Variants in E2F1 observed in about 807,000 individuals in gnomAD.
E2F1 encodes the protein transcription factor E2F1.
A neutral mutation model predicts 36.9 loss-of-function variants in E2F1; 7 were observed. The ratio of observed to expected loss-of-function variants is 0.19; its 90% confidence interval spans 0.11 to 0.36. The LOEUF is 0.36. Among genes scored for constraint, E2F1 ranks in the 10% least tolerant of loss-of-function variants. The pLI is 1.00. For missense variants in E2F1, 406 were observed against 573.6 expected (o/e 0.71, Z 2.99); for synonymous variants, 261 against 263.1 (o/e 0.99, Z 0.08).
intron 1 of E2F1, among the ~76,000 whole-genome samples, chr20:33,682,747 C>G (rs2018029199): frequency 6.6e-6 from 1 of 152,208 alleles, no homozygotes; most frequent in Non-Finnish European, 1.5e-5. Context: ...ACTCGAACAC[C>G]CATCCATGAA....
At chr20:33,680,589 C>A (rs1448507074) in intron 1 of E2F1, among the ~76,000 whole-genome samples, 173 bp from the exon 2 acceptor site, 1 of 152,290 alleles carries the variant, frequency 6.6e-6, no homozygotes, top group Non-Finnish European at 1.5e-5. Flanking sequence ...TCCTACCACA[C>A]AGGACATTCC....
chr20:33,679,866 T>C lies in E2F1; in HGVS notation c.461A>G (p.Asn154Ser). 1.9e-6 allele frequency: 3 copies of C among 1,614,208 alleles called. No homozygotes were observed. The highest frequency in any genetic ancestry group is 2.5e-6 in the Non-Finnish European group (3 of 1,180,032). ...CACCTTCAGCACCTCGGCAGCCCAG[T>C]TCAGGTCGACGACACCGTCAGCCGA... ...SHSADGVVDLNWAAEVLKVQK... is the reference protein window; with the variant it reads ...SHSADGVVDLSWAAEVLKVQK... Residue 154 changes from asparagine (N) to serine (S), a missense_variant, in exon 3 of 7, where the codon AAC becomes AGC. Physicochemically the swap from Asn to Ser is conservative, Grantham distance 46. This residue lies in a region of E2F1 where 77 missense variants were observed against 131.7 expected (regional missense o/e 0.58). Coordinates refer to ENST00000343380, the MANE Select transcript of E2F1 (RefSeq NM_005225.3). The surrounding 1 kb of genome is among the most constrained non-coding windows in gnomAD (Gnocchi z 4.6).
At chr20:33,677,051 C>G in intron 6 of E2F1, 54 bp downstream of exon 6, 1 of 1,569,172 alleles carries the variant, frequency 6.4e-7, no homozygotes, top group Non-Finnish European at 8.7e-7. Flanking sequence ...TCGTGCCTGC[C>G]CACCCCCCAG....
chr20:33,681,648 A>T (rs1379483890), intron 1 of E2F1, among the ~76,000 whole-genome samples: 1 of 152,090 alleles, frequency 6.6e-6, no homozygotes, highest in African/African-American at 2.4e-5. Flanking sequence ...CAGGCTGCTC[A>T]AAAGTACCCG....
In E2F1 at chr20:33,677,375, A is replaced by ACCAGCCCAGC. The variant is rs551050661; in HGVS notation, c.840+41_841-46dup. 2.0e-5 allele frequency: 33 copies of ACCAGCCCAGC among 1,610,266 alleles called. No individual in the cohort carries two copies. The Middle Eastern group carries it at 6.6e-4, about 32-fold the overall frequency. On this transcript the variant is annotated intron_variant, in intron 5 of 6. Coordinates refer to ENST00000343380, the MANE Select transcript of E2F1 (RefSeq NM_005225.3). The stretch of plus-strand genomic sequence containing the variant: ...AGGGTAAACTGAGGCCCAGGTGACC[A>ACCAGCCCAGC]CCAGCCCAGCCCAGCCCAGCCCAGT...
rs1199894772 is a variant in E2F1 at position 33,677,476 on chromosome 20, C to G, written c.790G>C (p.Val264Leu). ...TGGGTCTCAGGAGGGGCTTTGATCA[C>G]CATAACCATCTGCTCTGCAGGGTCT... The part of the protein sequence containing the change: ...IADPAEQMVM[V>L]IKAPPETQLQ... Residue 264 changes from valine (V) to leucine (L), a missense_variant, in exon 5 of 7, where the codon GTG becomes CTG. Coordinates refer to ENST00000343380, the MANE Select transcript of E2F1 (RefSeq NM_005225.3). 3 of 1,614,022 alleles carry G rather than the reference C, an allele frequency of 1.9e-6. No individual in the cohort carries two copies. The African/African-American group carries it at 4.0e-5, about 22-fold the overall frequency.
chr20:33,685,486 T>C (rs2018059078), intron 1 of E2F1, among the ~76,000 whole-genome samples: 1 of 152,078 alleles, frequency 6.6e-6, no homozygotes, highest in African/African-American at 2.4e-5. Context: ...TCACTTCCCC[T>C]AGCAGCTGTG....
intron 1 of E2F1, among the ~76,000 whole-genome samples, chr20:33,684,891 A>G (rs546676403): frequency 3.9e-4 from 59 of 152,130 alleles, no homozygotes; most frequent in African/African-American, 1.4e-3. Flanking sequence ...TTCCCTGCTG[A>G]GACCCCATCC....
chr20:33,678,738 G>C (rs1427569565), intron 3 of E2F1, among the ~76,000 whole-genome samples: 1 of 151,790 alleles, frequency 6.6e-6, no homozygotes, highest in African/African-American at 2.4e-5. Flanking sequence ...AGGATTGCTT[G>C]AGCCTCAGGA....
intron 1 of E2F1, among the ~76,000 whole-genome samples, chr20:33,680,913 TTC>T (rs1215769233): frequency 6.6e-6 from 1 of 152,212 alleles, no homozygotes; most frequent in African/African-American, 2.4e-5. Context: ...TAGTCACAAC[TTC>T]TGTTAGCAGC....
Position 33,680,109 on chromosome 20 carries a change from G to A in E2F1, c.353-135C>T, listed in dbSNP as rs758027419. On this transcript the variant is annotated intron_variant, in intron 2 of 6. Coordinates refer to ENST00000343380, the MANE Select transcript of E2F1 (RefSeq NM_005225.3). ...CAGCCAGCTCCTTCCCCTTGGCGAG[G>A]CCAACCACAGCATTCTTCTTCTGGC... 36 of 918,958 alleles carry A rather than the reference G, an allele frequency of 3.9e-5. No individual in the cohort carries two copies. The South Asian group carries it at 5.3e-4, about 14-fold the overall frequency. 56.9% of individuals were successfully genotyped at this position (918,958 alleles called of 1,614,324 possible).
chr20:33,681,845 C>A (rs2018020836), intron 1 of E2F1, among the ~76,000 whole-genome samples: 1 of 152,112 alleles, frequency 6.6e-6, no homozygotes, highest in African/African-American at 2.4e-5. Context: ...GCCAGTCCTC[C>A]TACAAACCTT....
rs756991861 is a variant in E2F1 at position 33,676,939 on chromosome 20, C to G, written c.1107G>C (p.Val369=). 6.4e-7 allele frequency: 1 copy of G among 1,563,836 alleles called. No individual in the cohort carries two copies. The highest frequency in any genetic ancestry group is 8.7e-7 in the Non-Finnish European group (1 of 1,152,296). Residue 369 remains valine, a synonymous_variant, in exon 7 of 7, where the codon GTG becomes GTC. Coordinates refer to ENST00000343380, the MANE Select transcript of E2F1 (RefSeq NM_005225.3). ...LSRMGSLRAP[V]DEDRLSPLVA... ...CCAGCGGGGACAGGCGGTCCTCGTC[C>G]ACGGGAGCCCGCAGGCTGCCCATCC...
At chr20:33,685,431 T>C (rs1001773214) in intron 1 of E2F1, among the ~76,000 whole-genome samples, 3 of 151,972 alleles carry the variant, frequency 2.0e-5, no homozygotes, top group Non-Finnish European at 4.4e-5. Flanking sequence ...GTCTCCTCAA[T>C]GGCTCACCAA....
chr20:33,676,868 C>T lies in E2F1; in HGVS notation c.1178G>A (p.Gly393Asp). 1.3e-6 allele frequency: 2 copies of T among 1,582,344 alleles called. No individual in the cohort carries two copies. Among genetic ancestry groups the T allele is most frequent in the Admixed American group, 1.8e-5 (1 of 56,316 alleles). ...GCTGATGAACTCCTCAGGGAGGAGGCCGGAGAAGTCCTCCCGCACATGCTC... is the reference window on the plus strand; with the variant it reads ...GCTGATGAACTCCTCAGGGAGGAGGTCGGAGAAGTCCTCCCGCACATGCTC... ...LLEHVREDFS[G>D]LLPEEFISLS... The change falls in exon 7 of 7, where the codon GGC becomes GAC. Residue 393 changes from glycine to aspartate, a missense_variant. This residue lies in a region of E2F1 where 163 missense variants were observed against 181.5 expected (regional missense o/e 0.90). Coordinates refer to ENST00000343380, the MANE Select transcript of E2F1 (RefSeq NM_005225.3).
rs1397093511 is a variant in E2F1 at position 33,686,239 on chromosome 20, C to T, written c.26G>A (p.Gly9Asp). 5.9e-6 allele frequency: 6 copies of T among 1,021,324 alleles called. No individual in the cohort carries two copies. The highest frequency in any genetic ancestry group is 5.9e-5 in the Admixed American group (1 of 17,084). 63.3% of individuals were successfully genotyped at this position (1,021,324 alleles called of 1,614,324 possible). Reference protein sequence around the residue: MALAGAPAGGPCAPALEAL... With the variant: MALAGAPADGPCAPALEAL... ...CTCCAGCGCCGGCGCGCATGGGCCGCCCGCAGGGGCCCCGGCCAAGGCCAT... is the reference window on the plus strand; with the variant it reads ...CTCCAGCGCCGGCGCGCATGGGCCGTCCGCAGGGGCCCCGGCCAAGGCCAT... Residue 9 changes from glycine (G) to aspartate (D), a missense_variant, in exon 1 of 7, where the codon GGC (glycine) becomes GAC (aspartate). Physicochemically the swap from Gly to Asp is moderately conservative, Grantham distance 94 (BLOSUM62 -1). This residue lies in a region of E2F1 where 68 missense variants were observed against 74.3 expected (regional missense o/e 0.92). Coordinates refer to ENST00000343380, the MANE Select transcript of E2F1 (RefSeq NM_005225.3).
intron 2 of E2F1, 139 bp downstream of exon 2, chr20:33,680,187 C>G (rs1042313075): frequency 2.7e-5 from 27 of 1,003,854 alleles, no homozygotes; most frequent in Non-Finnish European, 4.0e-5. Context: ...GGTGGCCACT[C>G]CAACTGCCCA....
chr20:33,678,263 G>A lies in E2F1; in HGVS notation c.663C>T (p.Asp221=). Reference sequence around the variant, plus strand: ...GCGTAGTACAGATATTCATCAGGTGGTCCAGCTGCTGCTCGCTCTCCTGCA... The same window carrying A: ...GCGTAGTACAGATATTCATCAGGTGATCCAGCTGCTGCTCGCTCTCCTGCA... ...RQLQESEQQL[D]HLMNICTTQL... is the part of the protein sequence containing the mutation. Residue 221 remains aspartate, a synonymous_variant, in exon 4 of 7, where the codon GAC becomes GAT. Transcript: ENST00000343380. 1 of 1,613,584 alleles carries A rather than the reference G, an allele frequency of 6.2e-7. No homozygotes were observed. The highest frequency in any genetic ancestry group is 1.1e-5 in the South Asian group (1 of 91,050).
rs13041706 is a variant in E2F1 at position 33,686,099 on chromosome 20, C to T, written c.166G>A (p.Ala56Thr). ...AGCAGGTCAGGGTCGCAGGGGCCGG[C>T]GGCGGGCGCCGCGGGGCCGGTGGGA... is the stretch of plus-strand genomic sequence containing the variant. ...PAPTGPAAPA[A>T]GPCDPDLLLF... The change falls in exon 1 of 7, where the codon GCC becomes ACC. Residue 56 changes from alanine (A) to threonine (T), a missense_variant. By Grantham distance (58) the Ala-to-Thr change is moderately conservative. Coordinates refer to ENST00000343380, the MANE Select transcript of E2F1 (RefSeq NM_005225.3). The T allele has an allele frequency of 9.2e-7, 1 of 1,082,580 alleles. No homozygotes were observed. Among genetic ancestry groups the T allele is most frequent in the African/African-American group, 1.7e-5 (1 of 59,186 alleles). 67.1% of individuals were successfully genotyped at this position (1,082,580 alleles called of 1,614,324 possible). A position where few individuals can be genotyped will look rare whatever the true frequency, so the allele number is the denominator to read the frequency against.
Sources: gnomAD v4.1 joint callset for allele counts (sites outside exome capture counted in the v4.1 genomes callset) on GRCh38, gnomAD v4.1.1 for gene constraint, gnomAD v4.1.1 regional missense constraint, Gnocchi (gnomAD v3.1) non-coding constraint, MANE v1.5 for transcripts, NCBI Gene and HGNC (gene_info 2026-07-23, HGNC 2026-07-21) for gene names.